LIMS1: variants seen among roughly 807,000 people sequenced by gnomAD.
LIMS1 encodes the protein LIM zinc finger domain containing 1, also known as LIM and senescent cell antigen-like-containing domain protein 1.
Under a neutral mutation model 44.1 loss-of-function variants are expected in LIMS1, and 18 were observed. That is an observed-to-expected ratio of 0.41 (90% CI 0.28 to 0.61). The LOEUF (loss-of-function observed/expected upper bound fraction) is 0.61, where lower values mean the gene tolerates loss of function less well. LIMS1 is among the 20% of genes least tolerant of loss of function. LIMS1 has a pLI of 0.32. For missense variants in LIMS1, 201 were observed against 422.0 expected (o/e 0.48, Z 4.59); for synonymous variants, 93 against 149.1 (o/e 0.62, Z 2.74).
At position 108,589,930 on chromosome 2, in the gene LIMS1, C is replaced by T. The variant is rs150020991; in HGVS notation, c.32+55336C>T. 6.4e-3 allele frequency among the ~76,000 whole-genome samples: 975 copies of T among 152,264 alleles called. 23 individuals are homozygous for T. The highest frequency in any genetic ancestry group is 3.4e-3 in the Non-Finnish European group (228 of 68,016). On this transcript the variant is annotated intron_variant, in intron 1 of 9. Transcript: ENST00000544547. Reference sequence around the variant, plus strand: ...TGTAATTTCAGCCTTCTTGACCTGTCCTGGAGAATGTTCCATGTGCACTTG... The same window carrying T: ...TGTAATTTCAGCCTTCTTGACCTGTTCTGGAGAATGTTCCATGTGCACTTG...
At chr2:108,669,205 C>A (rs1421346745) in intron 2 of LIMS1, among the ~76,000 whole-genome samples, 1 of 151,946 alleles carries the variant, frequency 6.6e-6, no homozygotes, top group Non-Finnish European at 1.5e-5. Flanking sequence ...GTCAGGAGTT[C>A]GAGACCAGCC....
At chr2:108,583,104 T>C (rs1685949793) in intron 1 of LIMS1, among the ~76,000 whole-genome samples, 1 of 152,086 alleles carries the variant, frequency 6.6e-6, no homozygotes, top group Admixed American at 6.5e-5. Flanking sequence ...AGTGGCGTGA[T>C]CTCAGCTCAC....
chr2:108,655,064 A>G, intron 1 of LIMS1: 1 of 1,611,590 alleles, frequency 6.2e-7, no homozygotes, highest in South Asian at 1.1e-5. Context: ...CAGAGCTCTC[A>G]AGCACCCACG....
chr2:108,603,910 A>G (rs1286741512), intron 1 of LIMS1, among the ~76,000 whole-genome samples: 1 of 151,972 alleles, frequency 6.6e-6, no homozygotes, highest in Admixed American at 6.6e-5. Flanking sequence ...CTAGTTCCTT[A>G]AGATGCATTG....
chr2:108,567,168 C>T (rs1685320503), intron 1 of LIMS1, among the ~76,000 whole-genome samples: 1 of 152,128 alleles, frequency 6.6e-6, no homozygotes, highest in Non-Finnish European at 1.5e-5. Context: ...CAGTTGGGAC[C>T]AGTGTCTGTG....
intron 1 of LIMS1, among the ~76,000 whole-genome samples, chr2:108,640,959 A>G (rs1689632146): frequency 6.6e-6 from 1 of 152,058 alleles, no homozygotes; most frequent in South Asian, 2.1e-4. Flanking sequence ...CCCACCCTCT[A>G]ATAACCAACT....
chr2:108,683,076 G>A (rs1693110467), intron 9 of LIMS1, among the ~76,000 whole-genome samples: 1 of 152,170 alleles, frequency 6.6e-6, no homozygotes, highest in Non-Finnish European at 1.5e-5. Context: ...GAATAGTTGA[G>A]TTCTTCAAAT....
At chr2:108,657,333 G>A (rs1690944118) in intron 1 of LIMS1, among the ~76,000 whole-genome samples, 2 of 152,292 alleles carry the variant, frequency 1.3e-5, no homozygotes, top group Non-Finnish European at 2.9e-5. Flanking sequence ...CATTAAGATT[G>A]TTGAGGTTTG....
chr2:108,622,973 A>ATT (rs68115708), intron 1 of LIMS1, among the ~76,000 whole-genome samples: 26 of 123,106 alleles, frequency 2.1e-4, no homozygotes, highest in African/African-American at 6.2e-4. Context: ...AAACAACTAG[A>ATT]TTTTTTTTTT....
At chr2:108,607,048 G>C (rs1447653607) in intron 1 of LIMS1, 1 of 611,732 alleles carries the variant, frequency 1.6e-6, no homozygotes, top group Non-Finnish European at 2.9e-6. Context: ...AAGAGTATTA[G>C]GAGGTGGAGC....
chr2:108,589,080 T>C (rs1041768412), intron 1 of LIMS1, among the ~76,000 whole-genome samples: 14 of 152,162 alleles, frequency 9.2e-5, no homozygotes, highest in African/African-American at 3.1e-4. Context: ...AAATGTACTA[T>C]TTAGCAATAT....
At chr2:108,569,537 G>A (rs1685410802) in intron 1 of LIMS1, among the ~76,000 whole-genome samples, 1 of 152,106 alleles carries the variant, frequency 6.6e-6, no homozygotes, top group African/African-American at 2.4e-5. Flanking sequence ...GAATGTGGAT[G>A]TCCGGTTTTC....
exon 10 of LIMS1, chr2:108,686,101 T>TG (rs1311900435): frequency 6.6e-6 from 1 of 151,486 alleles, no homozygotes; most frequent in Non-Finnish European, 1.5e-5. Flanking sequence ...TCGAGGCAGG[T>TG]GGATCACGAG....
chr2:108,584,738 C>T (rs564390948), intron 1 of LIMS1, among the ~76,000 whole-genome samples: 2 of 152,100 alleles, frequency 1.3e-5, no homozygotes, highest in South Asian at 2.1e-4. Context: ...CCTTCCCAGC[C>T]GAGGTCAGCG....
rs536000952 is a variant in LIMS1 at position 108,599,548 on chromosome 2, G to A, written c.33-60057G>A. Among the ~76,000 whole-genome samples the A allele has an allele frequency of 3.3e-5, 5 of 152,282 alleles. No individual in the cohort carries two copies. In the East Asian group the frequency reaches 7.7e-4, roughly 23 times the overall value. ...TTCTTTAGTTTATATCCCCAGCAGT[G>A]GGAGTGCTGGATCCTATGGTAGCTC... On this transcript the variant is annotated intron_variant, in intron 1 of 9. Transcript: ENST00000544547.
intron 1 of LIMS1, among the ~76,000 whole-genome samples, chr2:108,542,448 G>C (rs1684344813): frequency 6.6e-6 from 1 of 152,130 alleles, no homozygotes. Context: ...AGCTCAAGAG[G>C]TTAAGAACTC....
intron 1 of LIMS1, among the ~76,000 whole-genome samples, chr2:108,538,682 C>A (rs1684218667): frequency 6.6e-6 from 1 of 152,158 alleles, no homozygotes; most frequent in Non-Finnish European, 1.5e-5. Flanking sequence ...TCTGCAATTG[C>A]TTTTTTTAGT....
intron 1 of LIMS1, among the ~76,000 whole-genome samples, chr2:108,585,533 G>A (rs187279639): frequency 1.1e-3 from 171 of 152,228 alleles, no homozygotes; most frequent in Non-Finnish European, 1.8e-3. Flanking sequence ...AGTTTAAGAA[G>A]GTCCAGCCAG....
chr2:108,534,673 C>T (rs1042926687), intron 1 of LIMS1, 79 bp downstream of exon 1: 110 of 851,678 alleles, frequency 1.3e-4, no homozygotes, highest in Non-Finnish European at 1.4e-4. Context: ...CGGGCCGGGC[C>T]TGGCGCGGGC....
Sources: allele counts gnomAD v4.1 joint callset (sites outside exome capture counted in the v4.1 genomes callset), GRCh38; gene constraint gnomAD v4.1.1; transcripts MANE v1.5; gene names NCBI Gene and HGNC (gene_info 2026-07-23, HGNC 2026-07-21).